The following GIPC2 variants were observed in gnomAD, a reference collection of about 807,000 sequenced individuals.
The protein encoded by GIPC2 is PDZ domain-containing protein GIPC2.
In GIPC2, 30 loss-of-function variants were observed where a neutral mutation model predicts 30.6. The ratio of observed to expected loss-of-function variants is 0.98; its 90% CI spans 0.73 to 1.33. The LOEUF (loss-of-function observed/expected upper bound fraction) is 1.33. Among genes scored for constraint, GIPC2 ranks in the 40% most tolerant of loss-of-function variants. GIPC2 has a pLI of 0.00. For synonymous variants in GIPC2, 167 were observed against 150.0 expected (o/e 1.11, Z -0.83); for missense variants, 414 against 390.3 (o/e 1.06, Z -0.51).
At chr1:78,067,070 A>G (rs764748609) in intron 1 of GIPC2, among the ~76,000 whole-genome samples, 6 of 152,202 alleles carry the variant, frequency 3.9e-5, no homozygotes, top group Non-Finnish European at 8.8e-5. Context: ...TTTTAGAAAA[A>G]TTTGTGATGT....
At chr1:78,094,207 C>T (rs1237138784) in intron 2 of GIPC2, among the ~76,000 whole-genome samples, 1 of 152,166 alleles carries the variant, frequency 6.6e-6, no homozygotes, top group African/African-American at 2.4e-5. Flanking sequence ...TAAATGCAGC[C>T]AATTGAAAAA....
rs1663036712 is a variant in GIPC2, at chr1:78,137,959, A to T, written c.*2216A>T. The T allele has an allele frequency of 6.6e-6, 1 of 151,726 alleles. No homozygotes were observed. The highest frequency in any genetic ancestry group is 1.5e-5 in the Non-Finnish European group (1 of 67,932). 9.4% of individuals were successfully genotyped at this position (151,726 alleles called of 1,614,324 possible). On this transcript the variant is annotated 3_prime_UTR_variant, in exon 6 of 6. Coordinates refer to ENST00000370759, the MANE Select transcript of GIPC2 (RefSeq NM_017655.6). The stretch of plus-strand genomic sequence containing the variant: ...AAAAACATTCCATTTTATTGGCATC[A>T]CTAGATGTTTTTAGGACCCTGTCCT...
intron 1 of GIPC2, 134 bp from the exon 2 acceptor site, chr1:78,080,540 TA>T: frequency 1.8e-6 from 1 of 555,396 alleles, no homozygotes; most frequent in Non-Finnish European, 3.2e-6. Context: ...CTAGCCAACA[TA>T]AAAACACATT....
chr1:78,116,747 G>T (rs1167787248), intron 3 of GIPC2, among the ~76,000 whole-genome samples: 4 of 152,274 alleles, frequency 2.6e-5, no homozygotes, highest in African/African-American at 9.6e-5. Context: ...TCTTAACCCA[G>T]TCTATCATTG....
At chr1:78,128,741 G>GCCCTAA (rs368764122) in intron 5 of GIPC2, among the ~76,000 whole-genome samples, 1,717 of 151,970 alleles carry the variant, frequency 0.011, 30 homozygotes, top group African/African-American at 0.038. Context: ...TTGGCTTGAG[G>GCCCTAA]CCCTAACCCT....
In GIPC2 at chr1:78,125,835, A is replaced by G. The variant is rs757667763; in HGVS notation, c.715-46A>G. 12 of 1,036,452 alleles carry G rather than the reference A, an allele frequency of 1.2e-5. No homozygotes were observed. The Admixed American group carries it at 1.9e-4, about 17-fold the overall frequency. The allele number at this position is 1,036,452 out of a possible 1,614,324, so 64.2% of individuals were successfully genotyped here. On this transcript the variant is annotated intron_variant, in intron 4 of 5. Coordinates refer to ENST00000370759, the MANE Select transcript of GIPC2 (RefSeq NM_017655.6). ...TCTCTTGTGTATGCCCTGACAATCA[A>G]GAGATTTTGTTGTATAATATCTTAT...
At chr1:78,128,625 T>C (rs1375640030) in intron 5 of GIPC2, among the ~76,000 whole-genome samples, 1 of 152,220 alleles carries the variant, frequency 6.6e-6, no homozygotes, top group Non-Finnish European at 1.5e-5. Flanking sequence ...AATGTATATA[T>C]GTGTACATGA....
At chr1:78,114,864 G>A (rs1473257689) in intron 3 of GIPC2, among the ~76,000 whole-genome samples, 4 of 152,204 alleles carry the variant, frequency 2.6e-5, no homozygotes, top group African/African-American at 7.2e-5. Context: ...GGTGTTGGAG[G>A]TTGATAATGG....
chr1:78,121,188 A>G (rs1252351687), intron 4 of GIPC2, among the ~76,000 whole-genome samples: 1 of 152,148 alleles, frequency 6.6e-6, no homozygotes. Context: ...AGAAAACTGC[A>G]AGTTTGGGGT....
At chr1:78,109,057 A>G (rs548529015) in intron 3 of GIPC2, among the ~76,000 whole-genome samples, 1 of 152,202 alleles carries the variant, frequency 6.6e-6, no homozygotes, top group South Asian at 2.1e-4. Flanking sequence ...GATGTACCTG[A>G]TTCATCATTT....
chr1:78,104,208 G>C (rs1557543966), intron 3 of GIPC2, among the ~76,000 whole-genome samples: 1 of 151,982 alleles, frequency 6.6e-6, no homozygotes, highest in Non-Finnish European at 1.5e-5. Context: ...GGTGCTCAAA[G>C]TCAGATTCAA....
chr1:78,122,000 C>T (rs769854009), intron 4 of GIPC2, among the ~76,000 whole-genome samples: 12 of 152,154 alleles, frequency 7.9e-5, no homozygotes, highest in Non-Finnish European at 2.9e-5. Flanking sequence ...AAAAATGCCA[C>T]GTCCCTTCAG....
At chr1:78,109,224 C>A (rs952751360) in intron 3 of GIPC2, among the ~76,000 whole-genome samples, 2 of 152,204 alleles carry the variant, frequency 1.3e-5, no homozygotes, top group African/African-American at 4.8e-5. Context: ...TCTGACCTTG[C>A]GGCCTTTAGT....
At chr1:78,078,145 G>A (rs544720583) in intron 1 of GIPC2, among the ~76,000 whole-genome samples, 24 of 116,300 alleles carry the variant, frequency 2.1e-4, no homozygotes, top group Middle Eastern at 0.019. Flanking sequence ...CCGAGATCCC[G>A]CCACTGCACT....
chr1:78,123,164 G>T lies in GIPC2; in HGVS notation c.715-2717G>T, dbSNP rs182781876. Among the ~76,000 whole-genome samples the T allele has an allele frequency of 3.0e-3, 454 of 151,486 alleles. 1 individual carries two copies. The highest frequency in any genetic ancestry group is 0.011 in the African/African-American group (440 of 41,240). On this transcript the variant is annotated intron_variant, in intron 4 of 5. Transcript: ENST00000370759. Reference sequence around the variant, plus strand: ...AATCCCAGCTACTTGGGAGGCTGAGGCAGGAGAATCACTTGAGCCCAGGAG... The same window carrying T: ...AATCCCAGCTACTTGGGAGGCTGAGTCAGGAGAATCACTTGAGCCCAGGAG...
In GIPC2 at chr1:78,105,882, G is replaced by A. The variant is rs183527489; in HGVS notation, c.607+10750G>A. ...GATCTAATAAATTATGTTAAAAATC[G>A]TAGTCAGAGTATGTTTTCAGATAAG... On this transcript the variant is annotated intron_variant, in intron 3 of 5. Transcript: ENST00000370759. 2.1e-3 allele frequency among the ~76,000 whole-genome samples: 314 copies of A among 152,104 alleles called. 4 individuals are homozygous for A. The highest frequency in any genetic ancestry group is 6.7e-3 in the African/African-American group (279 of 41,494).
chr1:78,074,951 A>G (rs1341584618), intron 1 of GIPC2, among the ~76,000 whole-genome samples: 1 of 152,222 alleles, frequency 6.6e-6, no homozygotes, highest in Non-Finnish European at 1.5e-5. Flanking sequence ...GAAGAATTAT[A>G]AAGATACAAG....
chr1:78,084,154 A>ACTGAAGTCAAGTTCTGG (rs1661883781), intron 2 of GIPC2, among the ~76,000 whole-genome samples: 1 of 152,192 alleles, frequency 6.6e-6, no homozygotes, highest in African/African-American at 2.4e-5. Context: ...GTGCTCATAC[A>ACTGAAGTCAAGTTCTGG]TTGCTATTGG....
At chr1:78,058,137 A>G (rs1039529006) in intron 1 of GIPC2, among the ~76,000 whole-genome samples, 2 of 152,150 alleles carry the variant, frequency 1.3e-5, no homozygotes, top group African/African-American at 4.8e-5. Context: ...GAATTATAGT[A>G]TAGCTTAGTG....
Sources: gnomAD v4.1 joint callset for allele counts (sites outside exome capture counted in the v4.1 genomes callset) on GRCh38, gnomAD v4.1.1 for gene constraint, MANE v1.5 for transcripts, NCBI Gene and HGNC (gene_info 2026-07-23, HGNC 2026-07-21) for gene names.